TANC1: variants seen among roughly 807,000 people sequenced by gnomAD.
TANC1 encodes tetratricopeptide repeat, ankyrin repeat and coiled-coil containing 1.
Under a neutral mutation model 149.7 loss-of-function variants are expected in TANC1, and 77 were observed. The observed-to-expected ratio is 0.51, with a 90% CI of 0.43 to 0.62. TANC1 has a LOEUF of 0.62. TANC1 is among the 20% of genes least tolerant of loss of function. The probability of loss-of-function intolerance (pLI) is 0.00; values close to 1 mark genes in which losing one functional copy is unlikely to be tolerated. For missense variants in TANC1, 1,985 were observed against 2,321.8 expected (o/e 0.85, Z 2.98); for synonymous variants, 854 against 925.0 (o/e 0.92, Z 1.39).
In TANC1 at chr2:159,217,595, C is replaced by T. The variant is rs1482447314; in HGVS notation, c.3343C>T (p.Pro1115Ser). ...VSRTNRRGVPPLFCAARQGHW... is the reference protein window; with the variant it reads ...VSRTNRRGVPSLFCAARQGHW... ...GCGGACAAACAGGAGAGGGGTTCCA[C>T]CTTTGTTTTGTGCAGCACGCCAGGG... The change falls in exon 20 of 27, where the codon CCT becomes TCT. Residue 1115 changes from proline (P) to serine (S), a missense_variant. By Grantham distance (74) the Pro-to-Ser change is moderately conservative. Coordinates refer to ENST00000263635, the MANE Select transcript of TANC1 (RefSeq NM_033394.3). The T allele has an allele frequency of 6.2e-7, 1 of 1,614,238 alleles. No individual in the cohort carries two copies. The highest frequency in any genetic ancestry group is 8.5e-7 in the Non-Finnish European group (1 of 1,180,046).
At chr2:159,120,189 G>A (rs572876839) in intron 4 of TANC1, among the ~76,000 whole-genome samples, 2 of 152,274 alleles carry the variant, frequency 1.3e-5, no homozygotes, top group East Asian at 1.9e-4. Context: ...GGACAAGGAC[G>A]TAGGTGACAA....
chr2:159,201,631 T>C (rs1483717454), intron 19 of TANC1, among the ~76,000 whole-genome samples: 1 of 152,184 alleles, frequency 6.6e-6, no homozygotes, highest in Non-Finnish European at 1.5e-5. Flanking sequence ...CAAAACACTC[T>C]AGGATGGACT....
intron 5 of TANC1, chr2:159,148,918 C>T (rs1038513728): frequency 2.3e-6 from 1 of 434,134 alleles, no homozygotes; most frequent in Non-Finnish European, 4.1e-6. Flanking sequence ...GCTCTTCTCA[C>T]TCACCCTTTG....
intron 16 of TANC1, among the ~76,000 whole-genome samples, chr2:159,191,309 G>A (rs147514538): frequency 0.014 from 2,142 of 152,282 alleles, 31 homozygotes; most frequent in Middle Eastern, 0.058. Flanking sequence ...CTTCTGTATC[G>A]TAGAACCAGT....
At chr2:159,203,215 T>C (rs116721197) in intron 19 of TANC1, among the ~76,000 whole-genome samples, 32,944 of 148,654 alleles carry the variant, frequency 0.22, 4,838 homozygotes, top group Non-Finnish European at 0.33. Context: ...TTTTCTTTTT[T>C]TTTTTTTTTT....
Position 159,219,874 on chromosome 2 carries a change from AC to A in TANC1, c.3678+9del, listed in dbSNP as rs749116334. The A allele has an allele frequency of 5.0e-6, 8 of 1,612,328 alleles. No individual in the cohort carries two copies. The African/African-American group carries it at 9.4e-5, about 19-fold the overall frequency. ...CTATGGCGATGCCGAGACTGTGAGTACCAGCAGGTGTTCCCCACCTCCACCT... is the reference window on the plus strand; with the variant it reads ...CTATGGCGATGCCGAGACTGTGAGTACAGCAGGTGTTCCCCACCTCCACCT... On this transcript the variant is annotated splice_region_variant and intron_variant, in intron 22 of 26. Coordinates refer to ENST00000263635, the MANE Select transcript of TANC1 (RefSeq NM_033394.3).
At chr2:159,019,256 C>T (rs561506015) in intron 2 of TANC1, among the ~76,000 whole-genome samples, 53 of 152,286 alleles carry the variant, frequency 3.5e-4, no homozygotes, top group African/African-American at 6.0e-4. Flanking sequence ...CCAGCAGCCA[C>T]GCAGTGAGCT....
intron 2 of TANC1, among the ~76,000 whole-genome samples, chr2:159,051,663 G>A (rs965789338): frequency 2.7e-3 from 409 of 150,698 alleles, no homozygotes; most frequent in African/African-American, 9.4e-3. Flanking sequence ...GTGTGTGTGT[G>A]TGTGTGTGTG....
At chr2:159,214,176 T>G (rs2059194988) in intron 19 of TANC1, among the ~76,000 whole-genome samples, 4 of 90,038 alleles carry the variant, frequency 4.4e-5, no homozygotes, top group Admixed American at 1.4e-4. Context: ...TTGTGGTGGT[T>G]GGGTGGGGGG....
At chr2:159,149,838 T>C (rs947938312) in intron 6 of TANC1, 1 of 168,742 alleles carries the variant, frequency 5.9e-6, no homozygotes, top group African/African-American at 2.4e-5. Flanking sequence ...TCTACCCTGG[T>C]GAAGGTCTCT....
chr2:159,066,257 T>A (rs974457331), intron 3 of TANC1, among the ~76,000 whole-genome samples: 9 of 152,062 alleles, frequency 5.9e-5, no homozygotes, highest in South Asian at 2.1e-4. Context: ...AAAAAAATTT[T>A]AAAAAATTAT....
At chr2:159,120,672 T>C (rs1426257819) in intron 4 of TANC1, among the ~76,000 whole-genome samples, 1 of 152,080 alleles carries the variant, frequency 6.6e-6, no homozygotes, top group Admixed American at 6.6e-5. Context: ...GCACAATGGA[T>C]CATCACTCAC....
intron 4 of TANC1, among the ~76,000 whole-genome samples, chr2:159,124,572 C>T (rs1209150392): frequency 6.6e-6 from 1 of 152,084 alleles, no homozygotes; most frequent in Non-Finnish European, 1.5e-5. Flanking sequence ...AACAGAAGAG[C>T]CCTGTGGCTT....
intron 2 of TANC1, among the ~76,000 whole-genome samples, chr2:159,011,479 T>G (rs183903246): frequency 1.3e-5 from 2 of 152,126 alleles, no homozygotes; most frequent in East Asian, 3.9e-4. Flanking sequence ...GAACCAGTTC[T>G]GAGAGACAAG....
At chr2:159,137,539 A>G (rs967189568) in intron 5 of TANC1, among the ~76,000 whole-genome samples, 1 of 152,112 alleles carries the variant, frequency 6.6e-6, no homozygotes, top group Non-Finnish European at 1.5e-5. Context: ...TGCACACCGA[A>G]TGTTGCTGGT....
At chr2:159,129,958 C>G (rs984826159) in intron 4 of TANC1, among the ~76,000 whole-genome samples, 2 of 152,148 alleles carry the variant, frequency 1.3e-5, no homozygotes, top group African/African-American at 2.4e-5. Context: ...TGGTCCCAGC[C>G]CACACCTTGA....
rs1209235444 is a variant in TANC1, at chr2:159,230,434, T to G, written c.5008T>G (p.Ser1670Ala). Residue 1670 changes from serine to alanine, a missense_variant, in exon 27 of 27, where the codon TCC becomes GCC. Physicochemically the swap from Ser to Ala is moderately conservative, Grantham distance 99. Around this residue, in one of 3 missense-constraint regions of TANC1, gnomAD observed 920 missense variants for 994.7 expected, o/e 0.92. Coordinates refer to ENST00000263635, the MANE Select transcript of TANC1 (RefSeq NM_033394.3). This position sits in a 1 kb window ranked among gnomAD's most constrained non-coding sequence, Gnocchi z 4.4. ...LTSSGSSGSP[S>A]SSIKMSSSTS... is the part of the protein sequence containing the mutation. ...CAGCTCAGGCTCTTCTGGTTCTCCA[T>G]CCAGCAGCATAAAGATGTCAAGTTC... is the stretch of plus-strand genomic sequence containing the variant. 1 of 1,614,042 alleles carries G rather than the reference T, an allele frequency of 6.2e-7. No homozygotes were observed. Among genetic ancestry groups the G allele is most frequent in the Admixed American group, 1.7e-5 (1 of 60,002 alleles).
chr2:159,046,589 C>CTTTTTTTTTTTTTTTTTTTTTTTTT, intron 2 of TANC1, among the ~76,000 whole-genome samples: 1 of 84,398 alleles, frequency 1.2e-5, no homozygotes, highest in Non-Finnish European at 2.1e-5. Context: ...CTTTTCTTTA[C>CTTTTTTTTTTTTTTTTTTTTTTTTT]TTTTTTTTTT....
chr2:159,159,717 TGAGA>T (rs56101796), intron 7 of TANC1, among the ~76,000 whole-genome samples: 4,793 of 114,718 alleles, frequency 0.042, 157 homozygotes, highest in African/African-American at 0.098. Flanking sequence ...TGTGTGTGTG[TGAGA>T]GAGAGAGAGA....
Sources: allele counts gnomAD v4.1 joint callset (sites outside exome capture counted in the v4.1 genomes callset), GRCh38; gene constraint gnomAD v4.1.1; regional missense constraint gnomAD v4.1.1; non-coding constraint Gnocchi (gnomAD v3.1); transcripts MANE v1.5; gene names NCBI Gene and HGNC (gene_info 2026-07-23, HGNC 2026-07-21).